Variants in NMNAT2 observed in about 807,000 individuals in gnomAD.
NMNAT2 encodes the protein nicotinamide/nicotinic acid mononucleotide adenylyltransferase 2.
In NMNAT2, 11 loss-of-function variants were observed where a neutral mutation model predicts 41.6. The observed-to-expected ratio is 0.26, with a 90% CI of 0.17 to 0.44. NMNAT2 has a LOEUF of 0.44. NMNAT2 is among the 20% of genes least tolerant of loss of function. The pLI, the probability that NMNAT2 is intolerant of heterozygous loss-of-function variation, is 1.00. For synonymous variants in NMNAT2, 148 were observed against 151.2 expected, an observed-to-expected ratio of 0.98 and a Z score of 0.16; for missense variants, 288 against 407.7, an observed-to-expected ratio of 0.71 and a Z score of 2.53.
chr1:183,339,116 G>T (rs77311320), intron 1 of NMNAT2, among the ~76,000 whole-genome samples: 1 of 151,692 alleles, frequency 6.6e-6, no homozygotes, highest in Non-Finnish European at 1.5e-5. Flanking sequence ...TATTTTTTTT[G>T]AGATGGAGTC....
chr1:183,418,143 G>A, intron 1 of NMNAT2, 40 bp downstream of exon 1: 1 of 1,569,678 alleles, frequency 6.4e-7, no homozygotes, highest in Admixed American at 1.7e-5. Flanking sequence ...GGAAAGGAGA[G>A]GAGCGGAAGC....
intron 1 of NMNAT2, among the ~76,000 whole-genome samples, chr1:183,310,787 A>G (rs1054299252): frequency 6.6e-6 from 1 of 152,084 alleles, no homozygotes; most frequent in African/African-American, 2.4e-5. Context: ...CCTCTGTTTT[A>G]AAGGGAAACT....
At chr1:183,362,854 G>A (rs753762303) in intron 1 of NMNAT2, among the ~76,000 whole-genome samples, 1 of 152,170 alleles carries the variant, frequency 6.6e-6, no homozygotes, top group Non-Finnish European at 1.5e-5. Flanking sequence ...ATTTTCCAAG[G>A]CAGCTGTACC....
chr1:183,393,259 T>C (rs1648532456), intron 1 of NMNAT2, among the ~76,000 whole-genome samples: 1 of 152,204 alleles, frequency 6.6e-6, no homozygotes, highest in South Asian at 2.1e-4. Context: ...ACAAAATTCT[T>C]TCTCTTATAC....
intron 8 of NMNAT2, among the ~76,000 whole-genome samples, chr1:183,273,074 A>G (rs954140960): frequency 6.6e-6 from 1 of 152,206 alleles, no homozygotes; most frequent in African/African-American, 2.4e-5. Flanking sequence ...ATTTGTGCCA[A>G]TTACCAAGTT....
At chr1:183,334,473 A>AG (rs898364976) in intron 1 of NMNAT2, among the ~76,000 whole-genome samples, 2 of 152,048 alleles carry the variant, frequency 1.3e-5, no homozygotes, top group African/African-American at 4.8e-5. Flanking sequence ...GTGTCGCCAC[A>AG]GGGCCGGTGG....
chr1:183,255,091 G>T (rs992391911), intron 10 of NMNAT2, among the ~76,000 whole-genome samples: 2 of 152,106 alleles, frequency 1.3e-5, no homozygotes, highest in African/African-American at 4.8e-5. Flanking sequence ...GCTGATTTTT[G>T]TGACTGGTGT....
At chr1:183,334,344 G>A (rs1258398303) in intron 1 of NMNAT2, among the ~76,000 whole-genome samples, 10 of 152,056 alleles carry the variant, frequency 6.6e-5, no homozygotes. Context: ...TGGGATTACA[G>A]GCGTGAGCCA....
intron 1 of NMNAT2, among the ~76,000 whole-genome samples, chr1:183,343,109 CCATGT>C (rs913667785): frequency 3.3e-4 from 50 of 152,096 alleles, no homozygotes; most frequent in Admixed American, 2.5e-3. Flanking sequence ...ATTCTCCTTC[CCATGT>C]CAGCAGATGT....
intron 5 of NMNAT2, among the ~76,000 whole-genome samples, chr1:183,286,380 C>T (rs1490990272): frequency 6.6e-6 from 1 of 152,194 alleles, no homozygotes; most frequent in East Asian, 1.9e-4. Flanking sequence ...GCGTGAGCCA[C>T]CAGGCCCGGC....
chr1:183,399,105 A>T (rs1212346545), intron 1 of NMNAT2, among the ~76,000 whole-genome samples: 2 of 152,182 alleles, frequency 1.3e-5, no homozygotes, highest in Non-Finnish European at 2.9e-5. Context: ...AACCTTCAAA[A>T]AATCAATGAA....
intron 1 of NMNAT2, among the ~76,000 whole-genome samples, chr1:183,413,602 CTTT>C (rs71130613): frequency 3.2e-3 from 265 of 82,556 alleles, no homozygotes; most frequent in African/African-American, 0.011. Context: ...TCTTTTCTTT[CTTT>C]TTTTTTTTTT....
At chr1:183,364,181 C>T (rs1663366595) in intron 1 of NMNAT2, among the ~76,000 whole-genome samples, 1 of 152,212 alleles carries the variant, frequency 6.6e-6, no homozygotes, top group Non-Finnish European at 1.5e-5. Context: ...AGACCTTGTG[C>T]TATGTACTAG....
Position 183,324,913 on chromosome 1 carries a change from C to T in NMNAT2, c.86-31120G>A, listed in dbSNP as rs376871293. Among the ~76,000 whole-genome samples, 9 of 152,290 alleles carry T rather than the reference C, an allele frequency of 5.9e-5. No individual in the cohort carries two copies. The South Asian group carries it at 6.2e-4, about 11-fold the overall frequency. On this transcript the variant is annotated intron_variant, in intron 1 of 10. Coordinates refer to ENST00000287713, the MANE Select transcript of NMNAT2 (RefSeq NM_015039.4). ...CTCCTGGCACTGTGTGTAGTAGGTG[C>T]TTGATCAATGTTTGTTGAATGAATG...
intron 1 of NMNAT2, among the ~76,000 whole-genome samples, chr1:183,408,538 C>A (rs2811550): frequency 0.034 from 5,235 of 152,144 alleles, 219 homozygotes; most frequent in African/African-American, 0.11. Context: ...ATGTCAATCA[C>A]CTTATTTTAC....
intron 1 of NMNAT2, among the ~76,000 whole-genome samples, chr1:183,367,075 C>T (rs1163050578): frequency 2.8e-4 from 42 of 152,136 alleles, no homozygotes; most frequent in Admixed American, 2.8e-3. Context: ...ATATGTCCAC[C>T]CTAAGGAATG....
chr1:183,304,533 C>G (rs1435978004), intron 1 of NMNAT2: 1 of 742,730 alleles, frequency 1.3e-6, no homozygotes, highest in South Asian at 1.7e-5. Flanking sequence ...GCTGATGTCC[C>G]TAAACAGGCA....
intron 1 of NMNAT2, among the ~76,000 whole-genome samples, chr1:183,384,155 TGG>T (rs1479956665): frequency 6.6e-6 from 1 of 152,086 alleles, no homozygotes; most frequent in Non-Finnish European, 1.5e-5. Context: ...ACCTCTTATG[TGG>T]CCGGAGCAGA....
chr1:183,284,844 C>A (rs1661361894), intron 5 of NMNAT2, 54 bp from the exon 6 acceptor site: 1 of 1,473,034 alleles, frequency 6.8e-7, no homozygotes, highest in Non-Finnish European at 9.5e-7. Context: ...CAACTCACAA[C>A]TGGCACTCAT....
Sources: allele counts gnomAD v4.1 joint callset (sites outside exome capture counted in the v4.1 genomes callset), GRCh38; gene constraint gnomAD v4.1.1; transcripts MANE v1.5; gene names NCBI Gene and HGNC (gene_info 2026-07-23, HGNC 2026-07-21).